ATAD2B: variants seen among roughly 807,000 people sequenced by gnomAD.
ATAD2B encodes ATPase family AAA domain-containing protein 2B.
A neutral mutation model predicts 167.6 loss-of-function variants in ATAD2B; 40 were observed. The ratio of observed to expected loss-of-function variants is 0.24; its 90% CI spans 0.19 to 0.31. ATAD2B has a LOEUF of 0.31. ATAD2B is among the 10% of genes least tolerant of loss of function. ATAD2B has a pLI of 1.00. For synonymous variants in ATAD2B, 579 were observed against 596.5 expected (o/e 0.97, Z 0.43); for missense variants, 1,242 against 1,757.2 (o/e 0.71, Z 5.24).
intron 8 of ATAD2B, chr2:23,872,556 A>AG: frequency 9.7e-7 from 1 of 1,035,254 alleles, no homozygotes; most frequent in East Asian, 2.4e-5. Context: ...CTCTCACAGG[A>AG]GGGTAGCTGA....
chr2:23,904,659 A>G (rs1232726258), intron 1 of ATAD2B, among the ~76,000 whole-genome samples: 2 of 152,138 alleles, frequency 1.3e-5, no homozygotes, highest in Non-Finnish European at 2.9e-5. Context: ...AAACACCTCA[A>G]AGAGACAAAG....
chr2:23,880,782 G>GAA (rs749737427), intron 6 of ATAD2B, 27 bp from the exon 7 acceptor site: 1 of 1,316,800 alleles, frequency 7.6e-7, no homozygotes, highest in African/African-American at 1.5e-5. Context: ...AAAAAGAAAA[G>GAA]AAAAAGGCAT....
the ATAD2B span, among the ~76,000 whole-genome samples, chr2:23,741,963 T>A: frequency 6.6e-6 from 1 of 152,172 alleles, no homozygotes; most frequent in Non-Finnish European, 1.5e-5. Context: ...ATGCTCATCA[T>A]CACTGGCCAT....
At chr2:23,745,062 G>C (rs1248396341), downstream of ATAD2B, among the ~76,000 whole-genome samples, 4 of 152,152 alleles carry the variant, frequency 2.6e-5, no homozygotes, top group Admixed American at 2.6e-4. Flanking sequence ...AAGGCGGGCA[G>C]ATCACCTGAG....
intron 15 of ATAD2B, among the ~76,000 whole-genome samples, chr2:23,826,526 C>G (rs1688284393): frequency 6.6e-6 from 1 of 152,106 alleles, no homozygotes; most frequent in Non-Finnish European, 1.5e-5. Flanking sequence ...ATTTAGTTAT[C>G]AAATAAAGAG....
intron 6 of ATAD2B, chr2:23,883,770 G>T: frequency 6.2e-6 from 2 of 321,026 alleles, no homozygotes; most frequent in South Asian, 3.0e-5. Context: ...ACAAATAATG[G>T]GAACTAGTAA....
chr2:23,742,218 G>T, the ATAD2B span, among the ~76,000 whole-genome samples: 1 of 152,118 alleles, frequency 6.6e-6, no homozygotes, highest in Non-Finnish European at 1.5e-5. Context: ...ATACCCAAAG[G>T]ATTATAAATC....
the ATAD2B span, among the ~76,000 whole-genome samples, chr2:23,714,531 C>T: frequency 6.6e-6 from 1 of 150,842 alleles, no homozygotes; most frequent in East Asian, 2.0e-4. Context: ...TGAGCCACCG[C>T]ACCTGGCCCT....
At chr2:23,893,950 C>T (rs549649042) in intron 2 of ATAD2B, among the ~76,000 whole-genome samples, 3 of 152,176 alleles carry the variant, frequency 2.0e-5, no homozygotes, top group South Asian at 4.2e-4. Context: ...AGGCATGAGC[C>T]ACATGCCTGG....
At chr2:23,906,340 C>CA (rs1177027841) in intron 1 of ATAD2B, among the ~76,000 whole-genome samples, 18 of 140,630 alleles carry the variant, frequency 1.3e-4, no homozygotes, top group South Asian at 4.5e-4. Context: ...GACTCCGTCT[C>CA]AAAAAAAAAA....
intron 10 of ATAD2B, chr2:23,865,889 TACAG>T (rs1695060183): frequency 1.8e-6 from 1 of 558,070 alleles, no homozygotes; most frequent in Admixed American, 6.3e-5. Context: ...AAAAAAAGTG[TACAG>T]ACAAAAAATG....
At chr2:23,684,657 C>A in the ATAD2B span, 1 of 801,540 alleles carries the variant, frequency 1.2e-6, no homozygotes, top group Non-Finnish European at 1.8e-6. The surrounding 1 kb of genome is among the most constrained non-coding windows in gnomAD (Gnocchi z 4.4). Flanking sequence ...GAGCCAGTAG[C>A]CATCTCTCCT....
At chr2:23,791,756 T>C (rs1681766937) in intron 19 of ATAD2B, among the ~76,000 whole-genome samples, 1 of 152,234 alleles carries the variant, frequency 6.6e-6, no homozygotes, top group African/African-American at 2.4e-5. Context: ...TTGTATATGC[T>C]ACATTTTGTT....
intron 1 of ATAD2B, among the ~76,000 whole-genome samples, chr2:23,910,821 T>TCGCACCACTGCACTCCAGCCTGGGC (rs1702185200): frequency 6.6e-6 from 1 of 151,276 alleles, no homozygotes; most frequent in Non-Finnish European, 1.5e-5. Context: ...TGAGCCGGGG[T>TCGCACCACTGCACTCCAGCCTGGGC]CGCACCACTG....
At chr2:23,809,414 A>G (rs1276225176) in intron 18 of ATAD2B, among the ~76,000 whole-genome samples, 1 of 152,168 alleles carries the variant, frequency 6.6e-6, no homozygotes, top group Non-Finnish European at 1.5e-5. Flanking sequence ...CTGTTTAAAA[A>G]ATGCATATTT....
chr2:23,809,921 A>G (rs1685287975), intron 18 of ATAD2B, among the ~76,000 whole-genome samples: 4 of 152,340 alleles, frequency 2.6e-5, no homozygotes, highest in Admixed American at 2.6e-4. Flanking sequence ...TCTAATATGA[A>G]TATTAAATCC....
intron 22 of ATAD2B, among the ~76,000 whole-genome samples, chr2:23,767,900 AAAAC>A (rs1204453392): frequency 6.8e-6 from 1 of 146,614 alleles, no homozygotes; most frequent in African/African-American, 2.5e-5. Flanking sequence ...AAACAAACAA[AAAAC>A]AAACAAAAAA....
chr2:23,899,079 C>A (rs1573335182), intron 1 of ATAD2B, among the ~76,000 whole-genome samples: 1 of 151,926 alleles, frequency 6.6e-6, no homozygotes, highest in African/African-American at 2.4e-5. Context: ...ATCCGGGAGG[C>A]GGAGGTTGCA....
intron 15 of ATAD2B, among the ~76,000 whole-genome samples, chr2:23,826,238 T>C (rs1688231575): frequency 6.6e-6 from 1 of 152,174 alleles, no homozygotes; most frequent in Admixed American, 6.5e-5. Context: ...TTTAACATAC[T>C]TCCTTCTAAA....
Sources: gnomAD v4.1 joint callset for allele counts (sites outside exome capture counted in the v4.1 genomes callset) on GRCh38, gnomAD v4.1.1 for gene constraint, Gnocchi (gnomAD v3.1) non-coding constraint, MANE v1.5 for transcripts, NCBI Gene and HGNC (gene_info 2026-07-23, HGNC 2026-07-21) for gene names.